The following MED16 variants were observed in gnomAD, a reference collection of about 807,000 sequenced individuals.
The protein encoded by MED16 is mediator of RNA polymerase II transcription subunit 16.
MED16 carries 81 observed loss-of-function variants against 84.4 expected under a neutral mutation model. The observed-to-expected ratio is 0.96, with a 90% CI of 0.80 to 1.15. The LOEUF (loss-of-function observed/expected upper bound fraction) is 1.15, where lower values mean the gene tolerates loss of function less well. Ranked by LOEUF, MED16 falls within the 50% of genes most tolerant of loss-of-function variation. The pLI is 0.00. For synonymous variants in MED16, 897 were observed against 552.2 expected (o/e 1.62, Z -8.76); for missense variants, 1,585 against 1,245.9 (o/e 1.27, Z -4.10).
rs752448968 is a variant in MED16, at chr19:868,158, G to A, written c.2577C>T (p.His859=). ...AFVQLGPQST[H]HSPRTPRSLD... ...GGGATCTGGGGGTCCTGGGAGAGTG[G>A]TGTGTGGACTGCGGGCCCAGCTGGA... The change falls in exon 16 of 16, where the codon CAC becomes CAT. Residue 859 remains histidine, a synonymous_variant. Transcript: ENST00000325464. 6 of 1,611,702 alleles carry A rather than the reference G, an allele frequency of 3.7e-6. No homozygotes were observed. The highest frequency in any genetic ancestry group is 2.7e-5 in the African/African-American group (2 of 74,902).
Position 885,101 on chromosome 19 carries a change from A to G in MED16, c.880-93T>C, listed in dbSNP as rs190322944. The G allele has an allele frequency of 1.1e-3, 1,047 of 945,686 alleles. 9 individuals carry two copies. In the African/African-American group the frequency reaches 0.015, roughly 14 times the overall value. The allele number at this position is 945,686 out of a possible 1,614,324, so 58.6% of individuals were successfully genotyped here. A position where few individuals can be genotyped will look rare whatever the true frequency, so the allele number is the denominator to read the frequency against. On this transcript the variant is annotated intron_variant, in intron 5 of 15. Transcript: ENST00000325464. ...GAGCTGCGGGACCCTGGGGCCACGC[A>G]CTGCTGGGCCTGTCTCTTCAGCCAC... is the stretch of plus-strand genomic sequence containing the variant.
At chr19:876,126 C>T (rs773715141) in intron 9 of MED16, among the ~76,000 whole-genome samples, 1 of 152,122 alleles carries the variant, frequency 6.6e-6, no homozygotes, top group African/African-American at 2.4e-5. Flanking sequence ...CAGGCTGTGC[C>T]GTGAATGGGA....
At chr19:892,889 GCCCCGCGCCCCGCGCCCCGC>G in intron 1 of MED16, 177 bp downstream of exon 1, 1 of 9,406 alleles carries the variant, frequency 1.1e-4, no homozygotes, top group African/African-American at 3.6e-4. Flanking sequence ...CGAGCCCCGC[GCCCCGCGCCCCGCGCCCCGC>G]GCCCCGCGCC....
chr19:876,405 C>A (rs1273181105), intron 9 of MED16, among the ~76,000 whole-genome samples: 1 of 152,088 alleles, frequency 6.6e-6, no homozygotes, highest in Non-Finnish European at 1.5e-5. Flanking sequence ...AGGCCTCACA[C>A]CACAGGGCCA....
intron 10 of MED16, 127 bp from the exon 11 acceptor site, chr19:873,709 C>T (rs1372493995): frequency 2.3e-5 from 26 of 1,134,352 alleles, no homozygotes; most frequent in South Asian, 7.2e-5. Flanking sequence ...GGACCCACAC[C>T]GGGAACGAGA....
rs766839452 is a variant in MED16 at position 871,993 on chromosome 19, C to T, written c.2031G>A (p.Thr677=). ...LLKPSCLPVY[T]ATSDTQDSMS... is the part of the protein sequence containing the mutation. ...TGCTGTCCTGGGTATCCGAGGTGGC[C>T]GTATACACGGGCAGGCAGCTGGGCT... is the stretch of plus-strand genomic sequence containing the variant. The change falls in exon 12 of 16, where the codon ACG becomes ACA. Residue 677 remains threonine (T), a synonymous_variant. Coordinates refer to ENST00000325464, the MANE Select transcript of MED16 (RefSeq NM_005481.3). The T allele has an allele frequency of 6.8e-6, 11 of 1,606,658 alleles. No individual in the cohort carries two copies. Among genetic ancestry groups the T allele is most frequent in the African/African-American group, 2.7e-5 (2 of 73,658 alleles).
rs538994291 is a variant in MED16, at chr19:868,504, G to A, written c.2400-5C>T. 2.7e-5 allele frequency: 44 copies of A among 1,609,346 alleles called. No homozygotes were observed. Among genetic ancestry groups the A allele is most frequent in the Middle Eastern group, 1.7e-4 (1 of 6,046 alleles). ...AGCATGGTGACACAGCCGCACCTGC[G>A]GGGAGGCAGGCACTGAGCGGGTTCC... On this transcript the variant is annotated splice_polypyrimidine_tract_variant and splice_region_variant and intron_variant, in intron 14 of 15. Transcript: ENST00000325464.
rs137959900 is a variant in MED16, at chr19:868,153, G to C, written c.2582C>G (p.Ser861Cys). 1.2e-5 allele frequency: 20 copies of C among 1,611,846 alleles called. No homozygotes were observed. In the African/African-American group the frequency reaches 2.7e-4, roughly 21 times the overall value. ...GTCCAGGGATCTGGGGGTCCTGGGA[G>C]AGTGGTGTGTGGACTGCGGGCCCAG... ...VQLGPQSTHH[S>C]PRTPRSLDHL... is the part of the protein sequence containing the mutation. The change falls in exon 16 of 16, where the codon TCT becomes TGT. Residue 861 changes from serine (S) to cysteine (C), a missense_variant. Coordinates refer to ENST00000325464, the MANE Select transcript of MED16 (RefSeq NM_005481.3).
At position 885,156 on chromosome 19, in the gene MED16, G is replaced by A. The variant is rs529814353; in HGVS notation, c.880-148C>T. On this transcript the variant is annotated intron_variant, in intron 5 of 15. Coordinates refer to ENST00000325464, the MANE Select transcript of MED16 (RefSeq NM_005481.3). ...GCCCCTCGGGCCCTCCTGGATTCCA[G>A]CCCAGGCCTGTCCCCAGAGCCCAAC... is the stretch of plus-strand genomic sequence containing the variant. The A allele has an allele frequency of 4.5e-4, 283 of 622,810 alleles. 1 individual carries two copies. The African/African-American group carries it at 4.8e-3, about 11-fold the overall frequency. 38.6% of individuals were successfully genotyped at this position (622,810 alleles called of 1,614,324 possible). A position where few individuals can be genotyped will look rare whatever the true frequency, so the allele number is the denominator to read the frequency against.
chr19:893,028 C>A (rs1158693914), intron 1 of MED16, 58 bp downstream of exon 1: 2 of 152,732 alleles, frequency 1.3e-5, no homozygotes, highest in Admixed American at 1.3e-4. Context: ...CCCTCGGGTC[C>A]GTGGACACGG....
intron 4 of MED16, among the ~76,000 whole-genome samples, chr19:887,616 A>C (rs993193945): frequency 6.6e-6 from 1 of 152,062 alleles, no homozygotes; most frequent in East Asian, 1.9e-4. Flanking sequence ...CAGTGAGCCG[A>C]GATCGCACCA....
intron 8 of MED16, 73 bp from the exon 9 acceptor site, chr19:877,253 C>CA: frequency 6.8e-7 from 1 of 1,464,808 alleles, no homozygotes; most frequent in East Asian, 2.4e-5. Context: ...GAATGGGGCC[C>CA]TGGGGCTGCG....
intron 14 of MED16, 77 bp downstream of exon 14, chr19:868,786 C>T: frequency 6.9e-7 from 1 of 1,443,768 alleles, no homozygotes; most frequent in Non-Finnish European, 9.3e-7. Flanking sequence ...GTCTGGAGCG[C>T]TGGGTGGGGG....
At chr19:869,827 G>A (rs764827437) in intron 13 of MED16, among the ~76,000 whole-genome samples, 10 of 152,206 alleles carry the variant, frequency 6.6e-5, no homozygotes, top group Admixed American at 2.6e-4. Context: ...CTTGTCAAAC[G>A]TGTGTCTGAA....
At position 873,602 on chromosome 19, in the gene MED16, G is replaced by T. The variant is rs377662708; in HGVS notation, c.1772-20C>A. 1.2e-6 allele frequency: 2 copies of T among 1,611,162 alleles called. No homozygotes were observed. The highest frequency in any genetic ancestry group is 2.2e-5 in the South Asian group (2 of 91,054). On this transcript the variant is annotated intron_variant, in intron 10 of 15. Transcript: ENST00000325464. The stretch of plus-strand genomic sequence containing the variant: ...CAATGTCTACAAGGAGACGTGGGTC[G>T]GGTCAGCTCGGGCCTCTTGTACACA...
chr19:878,765 C>A (rs113924929), intron 8 of MED16, among the ~76,000 whole-genome samples: 114 of 1,004 alleles, frequency 0.11, no homozygotes, highest in East Asian at 0.21. Context: ...CCAGCAGCTC[C>A]CCTTCCCCTG....
intron 9 of MED16, among the ~76,000 whole-genome samples, chr19:876,108 T>C (rs1209072111): frequency 6.6e-6 from 1 of 152,110 alleles, no homozygotes; most frequent in African/African-American, 2.4e-5. Context: ...GTCTCACGCG[T>C]TTCTCGGCAG....
At chr19:878,246 AGCCC>A (rs2036311358) in intron 8 of MED16, among the ~76,000 whole-genome samples, 2 of 53,282 alleles carry the variant, frequency 3.8e-5, no homozygotes, top group African/African-American at 7.8e-5. Flanking sequence ...CCCCAGCCCC[AGCCC>A]CAGCCCCACG....
At position 889,773 on chromosome 19, in the gene MED16, C is replaced by T; in HGVS notation, c.312G>A (p.Gln104=). 6.2e-7 allele frequency: 1 copy of T among 1,613,074 alleles called. No homozygotes were observed. The highest frequency in any genetic ancestry group is 8.5e-7 in the Non-Finnish European group (1 of 1,179,738). Residue 104 remains glutamine, a synonymous_variant, in exon 4 of 16, where the codon CAG becomes CAA. Transcript: ENST00000325464. ...GGTCCGCCATGCTCCAGCACTTGATCTGCCCGTCGGCATCTGCTGACAGGA... is the reference window on the plus strand; with the variant it reads ...GGTCCGCCATGCTCCAGCACTTGATTTGCCCGTCGGCATCTGCTGACAGGA... ...SRLLSADADG[Q]IKCWSMADHL...
Sources: gnomAD v4.1 joint callset for allele counts (sites outside exome capture counted in the v4.1 genomes callset) on GRCh38, gnomAD v4.1.1 for gene constraint, MANE v1.5 for transcripts, NCBI Gene and HGNC (gene_info 2026-07-23, HGNC 2026-07-21) for gene names.